The following MYH7B variants were observed in gnomAD, a reference collection of about 807,000 sequenced individuals.
MYH7B encodes myosin heavy chain 7B.
Under a neutral mutation model 234.5 loss-of-function variants are expected in MYH7B, and 205 were observed. That is an observed-to-expected ratio of 0.87 (90% CI 0.78 to 0.98). The LOEUF (loss-of-function observed/expected upper bound fraction) is 0.98. MYH7B is among the 50% of genes least tolerant of loss of function. The pLI, the probability that MYH7B is intolerant of heterozygous loss-of-function variation, is 0.00. For missense variants in MYH7B, 2,652 were observed against 2,633.4 expected, an observed-to-expected ratio of 1.01 and a Z score of -0.15; for synonymous variants, 1,193 against 1,105.0, an observed-to-expected ratio of 1.08 and a Z score of -1.58.
chr20:34,988,280 G>T lies in MYH7B; in HGVS notation c.1587+18G>T. ...TCGAGAAGGTGGGTGCCGCGGCAAG[G>T]TCACTTTGAGGAAGGGAGGGTGTGT... On this transcript the variant is annotated intron_variant, in intron 19 of 44. Coordinates refer to ENST00000262873, the Ensembl canonical transcript of MYH7B. The T allele has an allele frequency of 6.2e-6, 10 of 1,604,770 alleles. No homozygotes were observed. The highest frequency in any genetic ancestry group is 8.5e-6 in the Non-Finnish European group (10 of 1,173,402).
Position 34,985,131 on chromosome 20 carries a change from T to A in MYH7B, c.805+2T>A. The A allele has an allele frequency of 6.2e-7, 1 of 1,613,964 alleles. No individual in the cohort carries two copies. The highest frequency in any genetic ancestry group is 8.5e-7 in the Non-Finnish European group (1 of 1,179,856). On this transcript the variant is annotated splice_donor_variant, in intron 13 of 44. Transcript: ENST00000262873. LOFTEE classifies it high-confidence loss of function. ...TGGCATCCGCGGATATTGACAGCTG[T>A]GAGTCAACCCCCTGCGGGCGGTGCA...
chr20:34,990,736 A>G lies in MYH7B; in HGVS notation c.1978-2A>G. The stretch of plus-strand genomic sequence containing the variant: ...CTTTCCCTCACTCTTCCCCACTGCC[A>G]GGAGAACCTCAACAAGCTGATGACC... On this transcript the variant is annotated splice_acceptor_variant, in intron 22 of 44. Transcript: ENST00000262873. LOFTEE classifies it high-confidence loss of function. The G allele has an allele frequency of 1.9e-6, 3 of 1,614,022 alleles. No individual in the cohort carries two copies. Among genetic ancestry groups the G allele is most frequent in the Non-Finnish European group, 2.5e-6 (3 of 1,179,926 alleles).
chr20:34,996,530 A>G lies in MYH7B; in HGVS notation c.3120+8A>G. On this transcript the variant is annotated splice_region_variant and intron_variant, in intron 29 of 44. Transcript: ENST00000262873. Reference sequence around the variant, plus strand: ...GAGCAACAGGTGGAGGACGTGAGTCAGGGCCACCCCGAGACTGGGTGGCGG... The same window carrying G: ...GAGCAACAGGTGGAGGACGTGAGTCGGGGCCACCCCGAGACTGGGTGGCGG... 1 of 1,608,128 alleles carries G rather than the reference A, an allele frequency of 6.2e-7. No individual in the cohort carries two copies. Among genetic ancestry groups the G allele is most frequent in the Non-Finnish European group, 8.5e-7 (1 of 1,177,010 alleles).
intron 2 of MYH7B, among the ~76,000 whole-genome samples, chr20:34,970,137 G>C (rs1038073765): frequency 6.6e-6 from 1 of 152,174 alleles, no homozygotes; most frequent in African/African-American, 2.4e-5. Flanking sequence ...TCCCAAGCTT[G>C]AGACATGTTG....
rs150403169 is a variant in MYH7B at position 34,976,662 on chromosome 20, C to G, written c.-121-970C>G. Reference sequence around the variant, plus strand: ...TGGGTTACATTTCCTTGATTTGCTTCCATTTCAGCCAAACAATTCCTTGAT... The same window carrying G: ...TGGGTTACATTTCCTTGATTTGCTTGCATTTCAGCCAAACAATTCCTTGAT... On this transcript the variant is annotated intron_variant, in intron 3 of 44. Transcript: ENST00000262873. 1.9e-3 allele frequency among the ~76,000 whole-genome samples: 282 copies of G among 152,274 alleles called. 1 individual carries two copies. The highest frequency in any genetic ancestry group is 6.0e-3 in the African/African-American group (248 of 41,550).
chr20:35,000,684 T>C (rs1171801580), exon 39 of MYH7B: 1 of 1,593,872 alleles, frequency 6.3e-7, no homozygotes, highest in East Asian at 2.3e-5. Context: ...CCTTCTGCAT[T>C]CGCAGGTGGG....
At position 34,987,537 on chromosome 20, in the gene MYH7B, C is replaced by G; in HGVS notation, c.1148-20C>G. The G allele has an allele frequency of 3.3e-6, 5 of 1,501,470 alleles. No individual in the cohort carries two copies. Among genetic ancestry groups the G allele is most frequent in the Non-Finnish European group, 4.4e-6 (5 of 1,128,690 alleles). The allele number at this position is 1,501,470 out of a possible 1,614,324, so 93.0% of individuals were successfully genotyped here. On this transcript the variant is annotated intron_variant, in intron 16 of 44. Transcript: ENST00000262873. ...CGCATGGTGGTGTCCTCCTCCCTTACCCCACTCGTGCCCTGCCAGGTGCTG... is the reference window on the plus strand; with the variant it reads ...CGCATGGTGGTGTCCTCCTCCCTTAGCCCACTCGTGCCCTGCCAGGTGCTG...
chr20:34,988,122 T>C (rs761429341), exon 19 of MYH7B: 4 of 1,614,098 alleles, frequency 2.5e-6, no homozygotes, highest in Admixed American at 1.7e-5. Flanking sequence ...GTGCATCAAC[T>C]TCACCAATGA....
rs2082234305 is a variant in MYH7B, at chr20:34,995,323, G to A, written c.2701-13G>A. On this transcript the variant is annotated splice_polypyrimidine_tract_variant and intron_variant, in intron 27 of 44. Transcript: ENST00000262873. The stretch of plus-strand genomic sequence containing the variant: ...CCCTCCCCCAACCTGGCCCCGTTCC[G>A]TGTGCCCTCCAGGAGCAGGACAACC... 7 of 1,609,386 alleles carry A rather than the reference G, an allele frequency of 4.3e-6. No homozygotes were observed. The highest frequency in any genetic ancestry group is 2.2e-5 in the East Asian group (1 of 44,822).
At chr20:34,956,700 G>A (rs1218669789) in intron 1 of MYH7B, among the ~76,000 whole-genome samples, 1 of 152,226 alleles carries the variant, frequency 6.6e-6, no homozygotes, top group Non-Finnish European at 1.5e-5. Flanking sequence ...GGTAGTGAAG[G>A]AGGTAGGGGT....
At chr20:34,985,068 C>T in exon 13 of MYH7B, 1 of 1,614,130 alleles carries the variant, frequency 6.2e-7, no homozygotes, top group Non-Finnish European at 8.5e-7. Flanking sequence ...GCCCACAGGG[C>T]AAGTTCATCC....
At chr20:34,998,959 G>A (rs557089438) in intron 35 of MYH7B, 44 bp downstream of exon 35, 937 of 1,593,756 alleles carry the variant, frequency 5.9e-4, no homozygotes, top group Non-Finnish European at 7.8e-4. Flanking sequence ...AGAGCTTTAT[G>A]CCTGTGCCTG....
exon 14 of MYH7B, chr20:34,986,107 G>A: frequency 6.3e-7 from 1 of 1,583,084 alleles, no homozygotes; most frequent in Non-Finnish European, 8.6e-7. Flanking sequence ...CAGATCTCCT[G>A]GAGAAGTCGC....
chr20:34,964,424 C>T (rs1325422448), intron 2 of MYH7B, among the ~76,000 whole-genome samples: 2 of 152,210 alleles, frequency 1.3e-5, no homozygotes, highest in Non-Finnish European at 2.9e-5. Flanking sequence ...TGGGCCTAGA[C>T]TATGTGGCTC....
intron 24 of MYH7B, among the ~76,000 whole-genome samples, chr20:34,991,717 C>T (rs544104080): frequency 6.6e-5 from 10 of 152,272 alleles, no homozygotes; most frequent in African/African-American, 2.4e-4. Context: ...CCTCCCCGTT[C>T]CCTCAATGGG....
At position 34,999,468 on chromosome 20, in the gene MYH7B, G is replaced by A. The variant is rs574348607; in HGVS notation, c.4540+63G>A. 231 of 1,523,394 alleles carry A rather than the reference G, an allele frequency of 1.5e-4. 1 individual carries two copies. The African/African-American group carries it at 2.9e-3, about 19-fold the overall frequency. 94.4% of individuals were successfully genotyped at this position (1,523,394 alleles called of 1,614,324 possible). On this transcript the variant is annotated intron_variant, in intron 36 of 44. Coordinates refer to ENST00000262873, the Ensembl canonical transcript of MYH7B. The stretch of plus-strand genomic sequence containing the variant: ...TGGGGTCGGAGCAACTTTGAGTTAT[G>A]GGGGTGCCCTGGTGGGGCCACCCTG...
chr20:34,974,941 C>T (rs1234309547), intron 2 of MYH7B, among the ~76,000 whole-genome samples: 1 of 152,024 alleles, frequency 6.6e-6, no homozygotes, highest in Non-Finnish European at 1.5e-5. Flanking sequence ...CTAAGCTCTA[C>T]AAAGAGAATT....
chr20:34,984,626 C>CA, intron 10 of MYH7B, 66 bp from the exon 11 acceptor site: 2 of 1,464,966 alleles, frequency 1.4e-6, no homozygotes, highest in Non-Finnish European at 1.9e-6. Context: ...CGCTGATACC[C>CA]TGCCCCACCC....
rs6088670 is a variant in MYH7B at position 34,984,069 on chromosome 20, C to T, written c.625-623C>T. ...ATGCTGGGCACCTGCCCTGCCGCTC[C>T]TGACTTGCTGTGTGGCCTTGAGCAG... On this transcript the variant is annotated intron_variant, in intron 10 of 44. Transcript: ENST00000262873. 2.6e-5 allele frequency among the ~76,000 whole-genome samples: 4 copies of T among 152,334 alleles called. No homozygotes were observed. In the East Asian group the frequency reaches 5.8e-4, roughly 22 times the overall value.
Sources: allele counts gnomAD v4.1 joint callset (sites outside exome capture counted in the v4.1 genomes callset), GRCh38; gene constraint gnomAD v4.1.1; transcripts MANE v1.5; gene names NCBI Gene and HGNC (gene_info 2026-07-23, HGNC 2026-07-21).